Variants in STK3 observed in about 807,000 individuals in gnomAD.
STK3 encodes the protein serine/threonine kinase 3.
Under a neutral mutation model 58.0 loss-of-function variants are expected in STK3, and 41 were observed. The observed-to-expected ratio is 0.71, with a 90% confidence interval of 0.55 to 0.92. The LOEUF is 0.92. Ranked by LOEUF, STK3 falls within the 40% of genes least tolerant of loss-of-function variation. The pLI is 0.00. For synonymous variants in STK3, 170 were observed against 191.0 expected, an observed-to-expected ratio of 0.89 and a Z score of 0.91; for missense variants, 479 against 602.7, an observed-to-expected ratio of 0.79 and a Z score of 2.15.
At chr8:98,356,733 A>G in the STK3 span, among the ~76,000 whole-genome samples, 1 of 152,248 alleles carries the variant, frequency 6.6e-6, no homozygotes, top group Non-Finnish European at 1.5e-5. Context: ...GGCAAATTGC[A>G]TTGTGATTTA....
In STK3 at chr8:98,536,366, T is replaced by C. The variant is rs184043693; in HGVS notation, c.1142-9449A>G. ...ATTTTGGGAGGTTGAGGCAGGAGGA[T>C]TGCTTGAGGCCAGGAGTTTGAAGCT... On this transcript the variant is annotated intron_variant, in intron 9 of 10. Transcript: ENST00000419617. 1.0e-3 allele frequency among the ~76,000 whole-genome samples: 153 copies of C among 152,210 alleles called. 2 individuals are homozygous for C. The highest frequency in any genetic ancestry group is 3.5e-3 in the African/African-American group (145 of 41,534).
chr8:98,681,658 T>C (rs1823654058), intron 6 of STK3, among the ~76,000 whole-genome samples: 1 of 152,008 alleles, frequency 6.6e-6, no homozygotes, highest in African/African-American at 2.4e-5. Context: ...TATACAGTAA[T>C]GAAATTCAGC....
intron 3 of STK3, among the ~76,000 whole-genome samples, chr8:98,861,779 G>T (rs777928461): frequency 6.6e-6 from 1 of 152,156 alleles, no homozygotes; most frequent in Non-Finnish European, 1.5e-5. Context: ...TGAGGCACTT[G>T]CAGCTTTTGA....
chr8:98,941,597 A>C (rs1840433964), intron 1 of STK3, among the ~76,000 whole-genome samples: 2 of 152,360 alleles, frequency 1.3e-5, no homozygotes, highest in African/African-American at 4.8e-5. Context: ...GGAGAGGCTG[A>C]GAGTCAACTC....
intron 3 of STK3, among the ~76,000 whole-genome samples, chr8:98,832,255 A>ATAT (rs1554687706): frequency 1.9e-4 from 26 of 138,890 alleles, no homozygotes; most frequent in African/African-American, 4.9e-4. Context: ...AAAAAAAAAA[A>ATAT]ATATATATAT....
chr8:98,427,720 C>A (rs1586557125), intron 3 of STK3: 1 of 352,576 alleles, frequency 2.8e-6, no homozygotes, highest in African/African-American at 2.1e-5. Flanking sequence ...ACGCGCAAAG[C>A]GCCCACCGAG....
At chr8:98,489,090 TG>T (rs1404960680) in intron 10 of STK3, among the ~76,000 whole-genome samples, 2 of 152,138 alleles carry the variant, frequency 1.3e-5, no homozygotes, top group Admixed American at 6.5e-5. Flanking sequence ...ATGCAGAAAC[TG>T]ATTTTTCCAT....
At chr8:98,876,959 G>T (rs1309537006) in intron 3 of STK3, among the ~76,000 whole-genome samples, 10 of 152,152 alleles carry the variant, frequency 6.6e-5, no homozygotes, top group Non-Finnish European at 4.4e-5. Flanking sequence ...AAAAGATAAA[G>T]AAAATTTTGT....
intron 6 of STK3, among the ~76,000 whole-genome samples, chr8:98,699,483 C>G (rs1825341878): frequency 6.6e-6 from 1 of 151,562 alleles, no homozygotes; most frequent in South Asian, 2.1e-4. Flanking sequence ...TTTTCCCCAT[C>G]TTTGTGGTTT....
chr8:98,563,746 C>A (rs1446056280), intron 8 of STK3, among the ~76,000 whole-genome samples: 1 of 152,052 alleles, frequency 6.6e-6, no homozygotes, highest in Non-Finnish European at 1.5e-5. Flanking sequence ...AAAAGGTTCC[C>A]AATGGCCAAA....
chr8:98,839,056 G>C (rs1209911903), intron 3 of STK3, among the ~76,000 whole-genome samples: 1 of 151,410 alleles, frequency 6.6e-6, no homozygotes, highest in South Asian at 2.1e-4. Context: ...TTTTGGGGGG[G>C]GGCGGTTTGA....
At chr8:98,346,541 G>A in the STK3 span, among the ~76,000 whole-genome samples, 1 of 151,824 alleles carries the variant, frequency 6.6e-6, no homozygotes, top group Non-Finnish European at 1.5e-5. Context: ...AAGCACATCA[G>A]TATAAAATGT....
chr8:98,710,128 CAA>C (rs569489472), intron 4 of STK3, among the ~76,000 whole-genome samples: 1 of 151,458 alleles, frequency 6.6e-6, no homozygotes, highest in Non-Finnish European at 1.5e-5. Context: ...AAAGATTCCA[CAA>C]AAAAAACCTA....
At chr8:98,667,030 G>GTC (rs1162929921) in intron 6 of STK3, among the ~76,000 whole-genome samples, 6 of 152,124 alleles carry the variant, frequency 3.9e-5, no homozygotes, top group African/African-American at 1.4e-4. Context: ...AGCAAGCATA[G>GTC]CTTTCCAAAA....
chr8:98,842,408 C>A (rs746686632), intron 3 of STK3, among the ~76,000 whole-genome samples: 1 of 152,130 alleles, frequency 6.6e-6, no homozygotes, highest in Non-Finnish European at 1.5e-5. Context: ...AATTGGCCAG[C>A]CTTACACCTA....
At chr8:98,930,275 C>T (rs1839959873) in intron 1 of STK3, among the ~76,000 whole-genome samples, 1 of 152,148 alleles carries the variant, frequency 6.6e-6, no homozygotes, top group African/African-American at 2.4e-5. Context: ...CTCAGGCCCT[C>T]AGCATGTAGG....
At chr8:98,586,330 C>A (rs182654635) in intron 7 of STK3, among the ~76,000 whole-genome samples, 2 of 152,150 alleles carry the variant, frequency 1.3e-5, no homozygotes, top group African/African-American at 4.8e-5. Context: ...TTGTCAAAGG[C>A]CTTTTCTGCA....
intron 10 of STK3, among the ~76,000 whole-genome samples, chr8:98,471,763 G>T (rs1174979857): frequency 6.6e-6 from 1 of 152,084 alleles, no homozygotes; most frequent in Non-Finnish European, 1.5e-5. Flanking sequence ...TAGCACTGCT[G>T]GGCTATGGGT....
intron 4 of STK3, among the ~76,000 whole-genome samples, chr8:98,747,288 A>C (rs1829706582): frequency 6.6e-6 from 1 of 152,190 alleles, no homozygotes; most frequent in Admixed American, 6.5e-5. Context: ...TGCTATTTAA[A>C]ATGTATACAG....
Sources: gnomAD v4.1 joint callset for allele counts (sites outside exome capture counted in the v4.1 genomes callset) on GRCh38, gnomAD v4.1.1 for gene constraint, MANE v1.5 for transcripts, NCBI Gene and HGNC (gene_info 2026-07-23, HGNC 2026-07-21) for gene names.